The following USP40 variants were observed in gnomAD, a reference collection of about 807,000 sequenced individuals.
The protein encoded by USP40 is ubiquitin specific peptidase 40, also known as ubiquitin carboxyl-terminal hydrolase 40.
In USP40, 143 loss-of-function variants were observed where a neutral mutation model predicts 166.2. The ratio of observed to expected loss-of-function variants is 0.86; its 90% CI spans 0.75 to 0.99. The LOEUF (loss-of-function observed/expected upper bound fraction) is 0.99, where lower values mean the gene tolerates loss of function less well. Ranked by LOEUF, USP40 falls within the 50% of genes least tolerant of loss-of-function variation. USP40 has a pLI of 0.00. For missense variants in USP40, 1,444 were observed against 1,479.7 expected, an observed-to-expected ratio of 0.98 and a Z score of 0.40; for synonymous variants, 498 against 524.0, an observed-to-expected ratio of 0.95 and a Z score of 0.68.
chr2:233,566,182 C>T (rs891589994), intron 1 of USP40, among the ~76,000 whole-genome samples: 8 of 141,590 alleles, frequency 5.7e-5, no homozygotes, highest in African/African-American at 2.0e-4. Context: ...GAGCGGAGGG[C>T]GGGGAAGACT....
chr2:233,559,232 G>T (rs2071365360), intron 4 of USP40, among the ~76,000 whole-genome samples: 1 of 152,148 alleles, frequency 6.6e-6, no homozygotes, highest in South Asian at 2.1e-4. Context: ...GAAAGTGAGA[G>T]AAAGCCCACA....
At position 233,477,494 on chromosome 2, in the gene USP40, G is replaced by A; in HGVS notation, c.3609C>T (p.Ala1203=). ...GGATGTAGCTGCTCTGCTCATGGAGGGCTTCTTGGCTGCAGAGACACAGAC... is the reference window on the plus strand; with the variant it reads ...GGATGTAGCTGCTCTGCTCATGGAGAGCTTCTTGGCTGCAGAGACACAGAC... ...RALGRRKSQE[A]LHEQSSYILS... Residue 1203 remains alanine (A), a synonymous_variant, in exon 32 of 32, where the codon GCC becomes GCT. Coordinates refer to ENST00000678225, the MANE Select transcript of USP40 (RefSeq NM_001365479.2). 6.2e-7 allele frequency: 1 copy of A among 1,613,132 alleles called. No individual in the cohort carries two copies. The highest frequency in any genetic ancestry group is 2.2e-5 in the East Asian group (1 of 44,880).
chr2:233,512,669 T>C (rs2066920638), intron 18 of USP40, 47 bp from the exon 19 acceptor site: 2 of 807,516 alleles, frequency 2.5e-6, no homozygotes, highest in East Asian at 3.1e-5. Flanking sequence ...TAGGAATTAA[T>C]AACCTTCATC....
In USP40 at chr2:233,533,676, T is replaced by C. The variant is rs1385230428; in HGVS notation, c.1274A>G (p.Asn425Ser). 6.2e-7 allele frequency: 1 copy of C among 1,613,654 alleles called. No homozygotes were observed. The highest frequency in any genetic ancestry group is 1.3e-5 in the African/African-American group (1 of 74,902). Reference protein sequence around the residue: ...SLQAESDFQRNDQQIFKMLPP... With the variant: ...SLQAESDFQRSDQQIFKMLPP... ...AAGCATCTTGAAAATTTGCTGGTCATTCCTTTGGAAATCAGACTCAGCCTG... is the reference window on the plus strand; with the variant it reads ...AAGCATCTTGAAAATTTGCTGGTCACTCCTTTGGAAATCAGACTCAGCCTG... The change falls in exon 11 of 32, where the codon AAT (asparagine) becomes AGT (serine). Residue 425 changes from asparagine (N) to serine (S), a missense_variant. Transcript: ENST00000678225.
chr2:233,540,903 A>T, intron 9 of USP40, 134 bp from the exon 10 acceptor site: 1 of 456,610 alleles, frequency 2.2e-6, no homozygotes, highest in Non-Finnish European at 3.7e-6. Flanking sequence ...TGATTCCATC[A>T]TAATTATTTT....
At chr2:233,566,549 C>T (rs1191716432) in intron 1 of USP40, 135 bp downstream of exon 1, 6 of 418,118 alleles carry the variant, frequency 1.4e-5, no homozygotes, top group Non-Finnish European at 1.9e-5. Context: ...ACCACTGCCC[C>T]GACTCCAGGA....
At chr2:233,523,893 AC>A in intron 15 of USP40, among the ~76,000 whole-genome samples, 1 of 152,092 alleles carries the variant, frequency 6.6e-6, no homozygotes, top group Non-Finnish European at 1.5e-5. Flanking sequence ...GGCACTATGC[AC>A]AGACCCCCTA....
intron 7 of USP40, among the ~76,000 whole-genome samples, chr2:233,550,461 C>T (rs1360536807): frequency 1.3e-5 from 2 of 150,640 alleles, no homozygotes; most frequent in African/African-American, 4.9e-5. Flanking sequence ...TCAGGGGCAA[C>T]AGAATATTAG....
At chr2:233,532,600 T>A (rs2068628021) in intron 11 of USP40, among the ~76,000 whole-genome samples, 1 of 152,236 alleles carries the variant, frequency 6.6e-6, no homozygotes, top group Non-Finnish European at 1.5e-5. Flanking sequence ...TGTTGCTTCA[T>A]TCTTTGCTTT....
chr2:233,517,781 G>GGTGTGTGTGT (rs111938537), intron 18 of USP40, among the ~76,000 whole-genome samples: 52 of 142,250 alleles, frequency 3.7e-4, no homozygotes, highest in East Asian at 1.5e-3. Flanking sequence ...AAGAAACTGT[G>GGTGTGTGTGT]GTGTGTGTGT....
In USP40 at chr2:233,510,129, G is replaced by T; in HGVS notation, c.2533C>A (p.Leu845Met). 1 of 1,599,342 alleles carries T rather than the reference G, an allele frequency of 6.3e-7. No individual in the cohort carries two copies. The highest frequency in any genetic ancestry group is 2.2e-5 in the East Asian group (1 of 44,564). Reference protein sequence around the residue: ...GKAPSSSQLFLFFAMGSDVQP... With the variant: ...GKAPSSSQLFMFFAMGSDVQP... ...ACGTCACTCCCCATTGCAAAAAACA[G>T]GAACAACTAATAACAAGACAGATGT... The change falls in exon 21 of 32, where the codon CTG becomes ATG. Residue 845 changes from leucine to methionine, a missense_variant. Leu to Met is a conservative substitution (Grantham distance 15). Coordinates refer to ENST00000678225, the MANE Select transcript of USP40 (RefSeq NM_001365479.2).
intron 5 of USP40, 73 bp from the exon 6 acceptor site, chr2:233,554,599 T>C (rs143183959): frequency 1.7e-6 from 2 of 1,205,886 alleles, no homozygotes; most frequent in Non-Finnish European, 2.3e-6. Flanking sequence ...CTCACATATA[T>C]ATTGGGAATA....
At position 233,519,813 on chromosome 2, in the gene USP40, C is replaced by T. The variant is rs527269974; in HGVS notation, c.2326-142G>A. On this transcript the variant is annotated intron_variant, in intron 17 of 31. Transcript: ENST00000678225. Reference sequence around the variant, plus strand: ...TAGTTTTTGCCCACTGGAAATTTTTCCATCCCTGAAATCCTTTTATAAGAT... The same window carrying T: ...TAGTTTTTGCCCACTGGAAATTTTTTCATCCCTGAAATCCTTTTATAAGAT... 24 of 504,420 alleles carry T rather than the reference C, an allele frequency of 4.8e-5. No homozygotes were observed. In the East Asian group the frequency reaches 8.1e-4, roughly 17 times the overall value. 31.2% of individuals were successfully genotyped at this position (504,420 alleles called of 1,614,324 possible).
rs76421545 is a variant in USP40, at chr2:233,550,015, C to A, written c.838-786G>T. Among the ~76,000 whole-genome samples, 966 of 152,068 alleles carry A rather than the reference C, an allele frequency of 6.4e-3. 22 individuals carry two copies. In the East Asian group the frequency reaches 0.084, roughly 13 times the overall value. On this transcript the variant is annotated intron_variant, in intron 7 of 31. Transcript: ENST00000678225. The stretch of plus-strand genomic sequence containing the variant: ...TTTCTGATGCAGAAGAAAAAAGAAG[C>A]CTTTTTCACATCTGAGGGCTCTAAA...
In USP40 at chr2:233,559,884, T is replaced by A. The variant is rs1364567127; in HGVS notation, c.308A>T (p.Gln103Leu). ...AGCTTCCTGGTCTAAGAGCAGAAGC[T>A]GAGCAAACAAGCGCTGTAACTGTAA... The part of the protein sequence containing the change: ...IPLQLQRLFA[Q>L]LLLLDQEAAS... Residue 103 changes from glutamine (Q) to leucine (L), a missense_variant, in exon 4 of 32, where the codon CAG becomes CTG. By Grantham distance (113) the Gln-to-Leu change is moderately radical (BLOSUM62 -2). Coordinates refer to ENST00000678225, the MANE Select transcript of USP40 (RefSeq NM_001365479.2). 11 of 1,609,954 alleles carry A rather than the reference T, an allele frequency of 6.8e-6. No homozygotes were observed. Among genetic ancestry groups the A allele is most frequent in the Non-Finnish European group, 8.5e-6 (10 of 1,178,224 alleles).
chr2:233,550,340 T>A (rs564512140), intron 7 of USP40, among the ~76,000 whole-genome samples: 27 of 152,278 alleles, frequency 1.8e-4, no homozygotes, highest in African/African-American at 6.5e-4. Context: ...TCAGTTTTGT[T>A]ACATCAAAGT....
intron 14 of USP40, 71 bp from the exon 15 acceptor site, chr2:233,524,633 G>A: frequency 8.1e-7 from 1 of 1,230,048 alleles, no homozygotes; most frequent in South Asian, 1.7e-5. Flanking sequence ...AAAGAGCTGA[G>A]ACAAATATTT....
chr2:233,562,788 A>G lies in USP40; in HGVS notation c.215T>C (p.Leu72Pro), dbSNP rs1431899639. 1 of 1,533,520 alleles carries G rather than the reference A, an allele frequency of 6.5e-7. No homozygotes were observed. Among genetic ancestry groups the G allele is most frequent in the Admixed American group, 2.0e-5 (1 of 49,304 alleles). The allele number at this position is 1,533,520 out of a possible 1,614,324, so 95.0% of individuals were successfully genotyped here. A position where few individuals can be genotyped will look rare whatever the true frequency, so the allele number is the denominator to read the frequency against. ...TPEFREALFSLGPEELGLFED... is the reference protein window; with the variant it reads ...TPEFREALFSPGPEELGLFED... ...AAACAAACCAAGCTCTTCTGGGCCA[A>G]GAGAAAATAGAGCTTCTAAAGAAAA... The change falls in exon 3 of 32, where the codon CTT becomes CCT. Residue 72 changes from leucine (L) to proline (P), a missense_variant. Coordinates refer to ENST00000678225, the MANE Select transcript of USP40 (RefSeq NM_001365479.2).
chr2:233,477,542 A>G (rs1301524134), intron 31 of USP40, 39 bp from the exon 32 acceptor site: 2 of 1,565,818 alleles, frequency 1.3e-6, no homozygotes, highest in South Asian at 2.2e-5. Context: ...TCATGGATGC[A>G]GTGGGTGTCA....
Sources: allele counts gnomAD v4.1 joint callset (sites outside exome capture counted in the v4.1 genomes callset), GRCh38; gene constraint gnomAD v4.1.1; transcripts MANE v1.5; gene names NCBI Gene and HGNC (gene_info 2026-07-23, HGNC 2026-07-21).